DDX10: variants seen among roughly 807,000 people sequenced by gnomAD.
DDX10 encodes the protein probable ATP-dependent RNA helicase DDX10.
Under a neutral mutation model 104.3 loss-of-function variants are expected in DDX10, and 74 were observed. The ratio of observed to expected loss-of-function variants is 0.71; its 90% CI spans 0.59 to 0.86. The LOEUF is 0.86. DDX10 is among the 40% of genes least tolerant of loss of function. The pLI, the probability that DDX10 is intolerant of heterozygous loss-of-function variation, is 0.00. For synonymous variants in DDX10, 351 were observed against 353.4 expected (o/e 0.99, Z 0.08); for missense variants, 952 against 1,040.0 (o/e 0.92, Z 1.16).
intron 13 of DDX10, among the ~76,000 whole-genome samples, chr11:108,732,747 G>T (rs2094313815): frequency 1.3e-5 from 2 of 152,178 alleles, no homozygotes; most frequent in Admixed American, 1.3e-4. Context: ...CCACCATAGG[G>T]AAGAACCTTG....
chr11:108,906,233 T>C (rs1863595244), intron 16 of DDX10, among the ~76,000 whole-genome samples: 1 of 152,228 alleles, frequency 6.6e-6, no homozygotes, highest in African/African-American at 2.4e-5. Context: ...TAATCATTTA[T>C]TTAGTTTCAA....
intron 13 of DDX10, among the ~76,000 whole-genome samples, chr11:108,805,820 A>C (rs1862090276): frequency 6.6e-6 from 1 of 152,194 alleles, no homozygotes; most frequent in Non-Finnish European, 1.5e-5. Flanking sequence ...ATTTACTTAT[A>C]TTCTTGAAAT....
At chr11:108,701,675 C>CTTTTTTTTTTTTTTTT (rs55916940) in intron 9 of DDX10, among the ~76,000 whole-genome samples, 31 of 77,422 alleles carry the variant, frequency 4.0e-4, no homozygotes, top group East Asian at 8.9e-4. Context: ...TTCTTCTTCT[C>CTTTTTTTTTTTTTTTT]TTTTTTTTTT....
At chr11:108,824,190 TCAC>T (rs1252025962) in intron 13 of DDX10, among the ~76,000 whole-genome samples, 2 of 152,100 alleles carry the variant, frequency 1.3e-5, no homozygotes, top group African/African-American at 4.8e-5. Context: ...TTGCAGGTGC[TCAC>T]CACCACGCAT....
chr11:108,841,225 T>C, intron 14 of DDX10, 90 bp from the exon 15 acceptor site: 1 of 1,118,910 alleles, frequency 8.9e-7, no homozygotes, highest in Non-Finnish European at 1.3e-6. Context: ...AATGGGTATC[T>C]GCACCTTTTC....
Position 108,665,307 on chromosome 11 carries a change from A to G in DDX10, c.154A>G (p.Ser52Gly). 6.2e-7 allele frequency: 1 copy of G among 1,603,316 alleles called. No homozygotes were observed. The highest frequency in any genetic ancestry group is 1.4e-5 in the African/African-American group (1 of 74,022). ...ACCCGAATGGCAGGTCGAGCGCGAG[A>G]GTATCAGCCGCCTCATGCAGAACTA... ...KKPEWQVERESISRLMQNYEK... is the reference protein window; with the variant it reads ...KKPEWQVEREGISRLMQNYEK... The change falls in exon 1 of 18, where the codon AGT becomes GGT. Residue 52 changes from serine (S) to glycine (G), a missense_variant. Physicochemically the swap from Ser to Gly is moderately conservative, Grantham distance 56. This residue lies in a region of DDX10 where 412 missense variants were observed against 479.2 expected (regional missense o/e 0.86). Transcript: ENST00000322536.
chr11:108,838,440 A>T lies in DDX10; in HGVS notation c.1966-6A>T, dbSNP rs1363268396. ...TCATCTGTGTTTTTTGTATGTTCTC[A>T]CACAGAAGAAAGAACCTTCTAAATC... On this transcript the variant is annotated splice_polypyrimidine_tract_variant and splice_region_variant and intron_variant, in intron 13 of 17. Transcript: ENST00000322536. 33 of 1,607,412 alleles carry T rather than the reference A, an allele frequency of 2.1e-5. No homozygotes were observed. Among genetic ancestry groups the T allele is most frequent in the Non-Finnish European group, 2.8e-5 (33 of 1,178,228 alleles).
At chr11:108,681,439 T>C (rs937348890) in intron 6 of DDX10, among the ~76,000 whole-genome samples, 2 of 152,162 alleles carry the variant, frequency 1.3e-5, no homozygotes, top group African/African-American at 4.8e-5. Flanking sequence ...TCCAAATTTA[T>C]AGGAAACATA....
intron 16 of DDX10, among the ~76,000 whole-genome samples, chr11:108,896,561 G>T (rs1207589661): frequency 1.3e-5 from 2 of 152,074 alleles, no homozygotes; most frequent in East Asian, 3.8e-4. Flanking sequence ...GATTGGTACT[G>T]TATTATAAAA....
chr11:108,675,088 T>TTGTGTGTGTGTG (rs142204234), intron 2 of DDX10, among the ~76,000 whole-genome samples: 1 of 146,880 alleles, frequency 6.8e-6, no homozygotes, highest in South Asian at 2.2e-4. Context: ...CATATTCCAT[T>TTGTGTGTGTGTG]TGTGTGTGTG....
intron 13 of DDX10, among the ~76,000 whole-genome samples, chr11:108,795,912 C>T (rs1000185682): frequency 2.0e-5 from 3 of 152,170 alleles, no homozygotes; most frequent in African/African-American, 4.8e-5. Flanking sequence ...CTTGAGGAAT[C>T]TCCACACTGT....
intron 13 of DDX10, among the ~76,000 whole-genome samples, chr11:108,791,325 G>C (rs1042349986): frequency 1.3e-5 from 2 of 152,232 alleles, no homozygotes; most frequent in Non-Finnish European, 2.9e-5. Context: ...AGCTGATGCT[G>C]TGTGGATTAT....
At chr11:108,680,525 T>C (rs2094233409) in intron 6 of DDX10, among the ~76,000 whole-genome samples, 1 of 152,218 alleles carries the variant, frequency 6.6e-6, no homozygotes, top group African/African-American at 2.4e-5. Flanking sequence ...AGCTGGGATA[T>C]GTTTTAAGTT....
intron 16 of DDX10, among the ~76,000 whole-genome samples, chr11:108,882,984 A>G (rs1470598874): frequency 6.6e-6 from 1 of 152,124 alleles, no homozygotes; most frequent in Non-Finnish European, 1.5e-5. Context: ...TTTTGCTCCT[A>G]TCATTTCAAA....
At chr11:108,870,758 T>G (rs1863070801) in intron 16 of DDX10, among the ~76,000 whole-genome samples, 1 of 152,238 alleles carries the variant, frequency 6.6e-6, no homozygotes, top group Non-Finnish European at 1.5e-5. Flanking sequence ...TAGTTTGTTG[T>G]TGCTTGTTTT....
At chr11:108,817,127 C>T (rs1023447691) in intron 13 of DDX10, among the ~76,000 whole-genome samples, 3 of 152,176 alleles carry the variant, frequency 2.0e-5, no homozygotes, top group Non-Finnish European at 4.4e-5. Flanking sequence ...AGTTGTTTCA[C>T]TTAAATTTGC....
chr11:108,762,021 T>G (rs915648935), intron 13 of DDX10, among the ~76,000 whole-genome samples: 12 of 152,200 alleles, frequency 7.9e-5, no homozygotes, highest in African/African-American at 2.9e-4. Flanking sequence ...TGTTTAGACC[T>G]TGATCAAATT....
intron 13 of DDX10, among the ~76,000 whole-genome samples, chr11:108,812,977 CTT>C (rs1862204132): frequency 2.3e-4 from 1 of 4,336 alleles, no homozygotes; most frequent in Non-Finnish European, 1.0e-3. Flanking sequence ...GTGACTCCAT[CTT>C]AAAAAAAAAA....
intron 13 of DDX10, among the ~76,000 whole-genome samples, chr11:108,804,498 CAA>C (rs3063225): frequency 1.2e-3 from 113 of 93,500 alleles, no homozygotes; most frequent in South Asian, 3.0e-3. Context: ...GACCCTGTCT[CAA>C]AAAAAAAAAA....
Sources: gnomAD v4.1 joint callset for allele counts (sites outside exome capture counted in the v4.1 genomes callset) on GRCh38, gnomAD v4.1.1 for gene constraint, gnomAD v4.1.1 regional missense constraint, MANE v1.5 for transcripts, NCBI Gene and HGNC (gene_info 2026-07-23, HGNC 2026-07-21) for gene names.